Variants in BRD8 observed in about 807,000 individuals in gnomAD.
BRD8 encodes the protein bromodomain-containing protein 8.
BRD8 carries 67 observed loss-of-function variants against 143.1 expected under a neutral mutation model. The observed-to-expected ratio is 0.47, with a 90% CI of 0.38 to 0.57. BRD8 has a LOEUF of 0.57. Ranked by LOEUF, BRD8 falls within the 20% of genes least tolerant of loss-of-function variation. BRD8 has a pLI of 0.00. For missense variants in BRD8, 1,103 were observed against 1,503.0 expected (o/e 0.73, Z 4.40); for synonymous variants, 505 against 517.1 (o/e 0.98, Z 0.32).
intron 21 of BRD8, among the ~76,000 whole-genome samples, chr5:138,151,863 T>G (rs556747346): frequency 1.8e-4 from 27 of 150,916 alleles, no homozygotes; most frequent in African/African-American, 4.9e-4. Flanking sequence ...TTAATTAATT[T>G]ATTTATTTAG....
intron 23 of BRD8, among the ~76,000 whole-genome samples, chr5:138,147,954 ATT>A (rs570425859): frequency 0.015 from 2,204 of 151,648 alleles, 55 homozygotes; most frequent in African/African-American, 0.05. Context: ...AAAAATTAAT[ATT>A]TTTTTGGTTT....
In BRD8 at chr5:138,148,819, C is replaced by G. The variant is rs1387463926; in HGVS notation, c.3278+821G>C. 2.0e-5 allele frequency among the ~76,000 whole-genome samples: 3 copies of G among 151,848 alleles called. 1 individual carries two copies. Among genetic ancestry groups the G allele is most frequent in the African/African-American group, 4.8e-5 (2 of 41,374 alleles). On this transcript the variant is annotated intron_variant, in intron 23 of 26. Transcript: ENST00000254900. ...GTGGCTCAAGCCTGTAATCCCAACACTTTAGGAGGCTGAGGTAGGAGGATC... is the reference window on the plus strand; with the variant it reads ...GTGGCTCAAGCCTGTAATCCCAACAGTTTAGGAGGCTGAGGTAGGAGGATC...
chr5:138,170,015 T>A (rs1581450392), intron 7 of BRD8, among the ~76,000 whole-genome samples: 1 of 152,316 alleles, frequency 6.6e-6, no homozygotes, highest in East Asian at 1.9e-4. Context: ...CAGCATGTAT[T>A]CCTAGAGTTG....
chr5:138,156,028 C>T (rs1244335898), intron 20 of BRD8, among the ~76,000 whole-genome samples: 9 of 151,810 alleles, frequency 5.9e-5, no homozygotes, highest in African/African-American at 2.2e-4. Flanking sequence ...GTGCACACCA[C>T]CATGCTGGGC....
At chr5:138,154,646 A>T (rs895308375) in intron 20 of BRD8, among the ~76,000 whole-genome samples, 1 of 152,160 alleles carries the variant, frequency 6.6e-6, no homozygotes, top group African/African-American at 2.4e-5. Context: ...TAGCATCCTA[A>T]TATAGTTCTA....
chr5:138,159,949 G>A, intron 19 of BRD8, 120 bp downstream of exon 19: 2 of 722,770 alleles, frequency 2.8e-6, no homozygotes, highest in South Asian at 3.4e-5. Context: ...TAAGATCTAT[G>A]TGTCTGTATA....
chr5:138,170,512 G>A (rs753828525), intron 6 of BRD8, 103 bp from the exon 7 acceptor site: 4 of 1,216,942 alleles, frequency 3.3e-6, no homozygotes, highest in Non-Finnish European at 3.6e-6. Context: ...AGCACTTTCT[G>A]GAAGAAAGGC....
intron 13 of BRD8, 44 bp downstream of exon 13, chr5:138,164,276 C>G (rs1479600867): frequency 6.2e-7 from 1 of 1,605,036 alleles, no homozygotes; most frequent in Non-Finnish European, 8.5e-7. Flanking sequence ...CCCTCAGAAG[C>G]CAAAGCAAAT....
intron 25 of BRD8, among the ~76,000 whole-genome samples, 185 bp from the exon 26 acceptor site, chr5:138,141,067 G>A (rs1450839590): frequency 2.0e-5 from 3 of 151,998 alleles, no homozygotes; most frequent in Non-Finnish European, 4.4e-5. Flanking sequence ...GCCAAACACT[G>A]TATTTCTATA....
chr5:138,146,039 A>C (rs148385589), intron 23 of BRD8, among the ~76,000 whole-genome samples, 161 bp from the exon 24 acceptor site: 3 of 152,134 alleles, frequency 2.0e-5, no homozygotes, highest in African/African-American at 7.2e-5. Flanking sequence ...ATTAATATCT[A>C]TTGTTTTCTC....
intron 20 of BRD8, among the ~76,000 whole-genome samples, chr5:138,153,058 C>T (rs2151187049): frequency 6.6e-6 from 1 of 152,250 alleles, no homozygotes; most frequent in South Asian, 2.1e-4. Context: ...CTCATATTCA[C>T]ACCAAAAGAA....
chr5:138,172,558 C>G (rs78139910), intron 2 of BRD8, among the ~76,000 whole-genome samples: 1 of 117,726 alleles, frequency 8.5e-6, no homozygotes, highest in African/African-American at 3.4e-5. Context: ...CCAATGAATG[C>G]GAGGTGTGCA....
At chr5:138,177,707 C>G in intron 1 of BRD8, 40 bp from the exon 2 acceptor site, 3 of 1,251,284 alleles carry the variant, frequency 2.4e-6, no homozygotes, top group Non-Finnish European at 3.4e-6. Context: ...TGGAAACAAC[C>G]ACTGAGACTG....
In BRD8 at chr5:138,150,888, G is replaced by C. The variant is rs1481228239; in HGVS notation, c.2977C>G (p.Leu993Val). ...GAAAGCTCTTCAGTCTCTCTGCAGA[G>C]CTCCCTTTCTCCTTCGCTAGCTTTA... ...EIKASEGERELCRETEELSAK... is the reference protein window; with the variant it reads ...EIKASEGEREVCRETEELSAK... The change falls in exon 22 of 27, where the codon CTC (leucine) becomes GTC (valine). Residue 993 changes from leucine (L) to valine (V), a missense_variant. Physicochemically the swap from Leu to Val is conservative, Grantham distance 32 (BLOSUM62 1). Transcript: ENST00000254900. 1 of 1,614,192 alleles carries C rather than the reference G, an allele frequency of 6.2e-7. No homozygotes were observed. The highest frequency in any genetic ancestry group is 1.1e-5 in the South Asian group (1 of 91,080).
intron 15 of BRD8, among the ~76,000 whole-genome samples, chr5:138,162,709 G>T (rs974581834): frequency 3.3e-5 from 5 of 150,460 alleles, no homozygotes; most frequent in Admixed American, 6.7e-5. Flanking sequence ...TAAAAATAAA[G>T]AAAAAGGCCA....
chr5:138,172,019 T>G (rs980018309), intron 3 of BRD8, 46 bp downstream of exon 3: 1 of 1,485,196 alleles, frequency 6.7e-7, no homozygotes, highest in African/African-American at 1.4e-5. Flanking sequence ...GAACCTACTT[T>G]ACAACCCAAA....
intron 24 of BRD8, 127 bp from the exon 25 acceptor site, chr5:138,145,372 T>A (rs1363447639): frequency 4.1e-6 from 3 of 727,032 alleles, no homozygotes; most frequent in Non-Finnish European, 6.8e-6. Flanking sequence ...TAGGAAAAAA[T>A]CTATTTGTTC....
At chr5:138,149,895 G>T in intron 22 of BRD8, 98 bp from the exon 23 acceptor site, 1 of 1,163,664 alleles carries the variant, frequency 8.6e-7, no homozygotes, top group Non-Finnish European at 1.2e-6. Context: ...CTTAAGGTGA[G>T]AAGAGGTCAA....
intron 20 of BRD8, among the ~76,000 whole-genome samples, chr5:138,153,118 T>A (rs1374710533): frequency 6.6e-6 from 1 of 152,142 alleles, no homozygotes; most frequent in African/African-American, 2.4e-5. Flanking sequence ...CTAGCCCAAA[T>A]CATCCATAAC....
Sources: gnomAD v4.1 joint callset for allele counts (sites outside exome capture counted in the v4.1 genomes callset) on GRCh38, gnomAD v4.1.1 for gene constraint, MANE v1.5 for transcripts, NCBI Gene and HGNC (gene_info 2026-07-23, HGNC 2026-07-21) for gene names.